PCDHGB6: variants seen among roughly 807,000 people sequenced by gnomAD.
PCDHGB6 encodes protocadherin gamma subfamily B, 6, also known as protocadherin gamma-B6.
Under a neutral mutation model 59.1 loss-of-function variants are expected in PCDHGB6, and 51 were observed. The observed-to-expected ratio is 0.86, with a 90% CI of 0.69 to 1.09. PCDHGB6 has a LOEUF of 1.09. Ranked by LOEUF, PCDHGB6 falls within the 50% of genes least tolerant of loss-of-function variation. The pLI, the probability that PCDHGB6 is intolerant of heterozygous loss-of-function variation, is 0.00. For synonymous variants in PCDHGB6, 466 were observed against 495.1 expected, an observed-to-expected ratio of 0.94 and a Z score of 0.78; for missense variants, 1,148 against 1,205.1, an observed-to-expected ratio of 0.95 and a Z score of 0.70.
chr5:141,453,201 C>T (rs115660512), intron 1 of PCDHGB6, among the ~76,000 whole-genome samples: 2,052 of 152,204 alleles, frequency 0.013, 46 homozygotes, highest in African/African-American at 0.048. Flanking sequence ...GCAGCCTCAA[C>T]CTCGTGCACT....
intron 1 of PCDHGB6, among the ~76,000 whole-genome samples, chr5:141,445,441 C>G (rs1201825256): frequency 6.6e-6 from 1 of 152,152 alleles, no homozygotes; most frequent in East Asian, 1.9e-4. Context: ...GACCTATGGA[C>G]TAAGGATGCA....
chr5:141,414,283 G>A, intron 1 of PCDHGB6: 1 of 1,613,520 alleles, frequency 6.2e-7, no homozygotes, highest in South Asian at 1.1e-5. Flanking sequence ...GGGAACAGTC[G>A]TAGCCCTTTT....
intron 1 of PCDHGB6, chr5:141,422,764 G>A: frequency 1.2e-6 from 2 of 1,613,582 alleles, no homozygotes; most frequent in Non-Finnish European, 8.5e-7. Flanking sequence ...CTCCAACACT[G>A]GTGTTCTCTA....
Position 141,489,592 on chromosome 5 carries a change from C to T in PCDHGB6, c.2419-5215C>T, listed in dbSNP as rs747085985. 1.3e-5 allele frequency: 21 copies of T among 1,613,928 alleles called. No individual in the cohort carries two copies. The East Asian group carries it at 1.6e-4, about 12-fold the overall frequency. ...GACTGAACACCCCCTGGAGCTAATC[C>T]GTGTAGAGGTAGAGATCCTGGATCT... is the stretch of plus-strand genomic sequence containing the variant. On this transcript the variant is annotated intron_variant, in intron 1 of 3. Transcript: ENST00000520790. This position sits in a 1 kb window ranked among gnomAD's most constrained non-coding sequence, Gnocchi z 4.5.
chr5:141,427,825 C>A (rs1342117815), intron 1 of PCDHGB6: 1 of 1,536,464 alleles, frequency 6.5e-7, no homozygotes, highest in Non-Finnish European at 8.9e-7. Flanking sequence ...GTGGTGGTCG[C>A]GCAGCGTGCC....
At chr5:141,434,843 G>C (rs1302739038) in intron 1 of PCDHGB6, among the ~76,000 whole-genome samples, 2 of 151,746 alleles carry the variant, frequency 1.3e-5, no homozygotes, top group African/African-American at 4.8e-5. Flanking sequence ...TTATAAAGCA[G>C]ACATCAATAA....
Position 141,477,657 on chromosome 5 carries a change from G to C in PCDHGB6, c.2419-17150G>C. 4 of 1,614,190 alleles carry C rather than the reference G, an allele frequency of 2.5e-6. No individual in the cohort carries two copies. Among genetic ancestry groups the C allele is most frequent in the Non-Finnish European group, 3.4e-6 (4 of 1,180,038 alleles). The stretch of plus-strand genomic sequence containing the variant: ...GTGGGTCGCTATTTCACAATAAATC[G>C]TGACAATGGCATAGTGTCATCCTTA... On this transcript the variant is annotated intron_variant, in intron 1 of 3. Coordinates refer to ENST00000520790, the MANE Select transcript of PCDHGB6 (RefSeq NM_018926.3). The surrounding 1 kb of genome is among the most constrained non-coding windows in gnomAD (Gnocchi z 4.9).
chr5:141,421,054 A>G, intron 1 of PCDHGB6: 3 of 571,978 alleles, frequency 5.2e-6, no homozygotes, highest in Non-Finnish European at 9.0e-6. Context: ...CGCCTCTACC[A>G]CACAAAGCGG....
intron 1 of PCDHGB6, chr5:141,419,647 G>A (rs370948584): frequency 1.0e-4 from 165 of 1,612,474 alleles, no homozygotes; most frequent in Non-Finnish European, 1.4e-4. Context: ...CCGTGGACGC[G>A]GACTCGGGGC....
chr5:141,485,511 C>G lies in PCDHGB6; in HGVS notation c.2419-9296C>G, dbSNP rs1168331122. The G allele has an allele frequency of 1.2e-6, 2 of 1,614,042 alleles. No individual in the cohort carries two copies. Among genetic ancestry groups the G allele is most frequent in the Non-Finnish European group, 1.7e-6 (2 of 1,180,038 alleles). On this transcript the variant is annotated intron_variant, in intron 1 of 3. Transcript: ENST00000520790. The surrounding 1 kb of genome is among the most constrained non-coding windows in gnomAD (Gnocchi z 5.7). Reference sequence around the variant, plus strand: ...CCCCTGGAGTTTGTCACCGAAGGTCCTTTGGAAATGTACCGAGCAGAGGTA... The same window carrying G: ...CCCCTGGAGTTTGTCACCGAAGGTCGTTTGGAAATGTACCGAGCAGAGGTA...
At chr5:141,484,437 T>C (rs2099596528) in intron 1 of PCDHGB6, among the ~76,000 whole-genome samples, 1 of 152,232 alleles carries the variant, frequency 6.6e-6, no homozygotes, top group African/African-American at 2.4e-5. Context: ...ATGTACTGCA[T>C]AAATTTAATT....
At chr5:141,456,119 C>G (rs902179639) in intron 1 of PCDHGB6, among the ~76,000 whole-genome samples, 3 of 151,826 alleles carry the variant, frequency 2.0e-5, no homozygotes, top group Non-Finnish European at 4.4e-5. Flanking sequence ...GGATGGTCTC[C>G]ATCTCCTGAC....
At chr5:141,421,355 G>A in intron 1 of PCDHGB6, 1 of 1,613,990 alleles carries the variant, frequency 6.2e-7, no homozygotes, top group East Asian at 2.2e-5. Flanking sequence ...ACCGAAAAGG[G>A]CTCCTTCGTG....
intron 1 of PCDHGB6, among the ~76,000 whole-genome samples, chr5:141,482,188 G>C (rs1178289472): frequency 2.6e-5 from 4 of 152,122 alleles, no homozygotes; most frequent in African/African-American, 9.7e-5. Context: ...CGATGCTCCA[G>C]TTCTAGTAAA....
intron 1 of PCDHGB6, among the ~76,000 whole-genome samples, chr5:141,457,628 C>T (rs1210673176): frequency 6.6e-6 from 1 of 152,244 alleles, no homozygotes; most frequent in Non-Finnish European, 1.5e-5. Context: ...TAATCTTATA[C>T]TTGGCCTGAT....
rs374154790 is a variant in PCDHGB6, at chr5:141,490,709, C to A, written c.2419-4098C>A. The A allele has an allele frequency of 3.2e-5, 52 of 1,614,218 alleles. No homozygotes were observed. In the African/African-American group the frequency reaches 6.3e-4, roughly 19 times the overall value. On this transcript the variant is annotated intron_variant, in intron 1 of 3. Coordinates refer to ENST00000520790, the MANE Select transcript of PCDHGB6 (RefSeq NM_018926.3). The surrounding 1 kb of genome is among the most constrained non-coding windows in gnomAD (Gnocchi z 5.4). ...GACACTGGGGATAATGCCCGCCTCA[C>A]CTACTCCATTGTAGGAAATCAGGTT...
intron 1 of PCDHGB6, among the ~76,000 whole-genome samples, chr5:141,482,530 C>CAAAAAAAAAAAAAAAAAAAAAA (rs3074545): frequency 1.3e-5 from 1 of 76,562 alleles, no homozygotes. Context: ...GACAGACATG[C>CAAAAAAAAAAAAAAAAAAAAAA]AAAAAAAAAA....
At chr5:141,411,097 A>C (rs2095464397) in intron 1 of PCDHGB6, 1 of 153,002 alleles carries the variant, frequency 6.5e-6, no homozygotes, top group Non-Finnish European at 1.4e-5. Flanking sequence ...TGATCCTCCC[A>C]CCTTGGCCTC....
At chr5:141,496,888 T>TAA (rs35063790) in intron 2 of PCDHGB6, among the ~76,000 whole-genome samples, 141 of 134,106 alleles carry the variant, frequency 1.1e-3, no homozygotes, top group East Asian at 2.4e-3. Context: ...AAGTAACACT[T>TAA]AAAAAAAAAA....
Sources: gnomAD v4.1 joint callset for allele counts (sites outside exome capture counted in the v4.1 genomes callset) on GRCh38, gnomAD v4.1.1 for gene constraint, Gnocchi (gnomAD v3.1) non-coding constraint, MANE v1.5 for transcripts, NCBI Gene and HGNC (gene_info 2026-07-23, HGNC 2026-07-21) for gene names.